Variants in SI observed in about 807,000 individuals in gnomAD.
SI encodes the protein sucrase-isomaltase.
A neutral mutation model predicts 253.3 loss-of-function variants in SI; 235 were observed. The observed-to-expected ratio is 0.93, with a 90% CI of 0.83 to 1.03. The LOEUF (loss-of-function observed/expected upper bound fraction) is 1.03. Among genes scored for constraint, SI ranks in the 50% least tolerant of loss-of-function variants. The probability of loss-of-function intolerance (pLI) is 0.00; values close to 1 mark genes in which losing one functional copy is unlikely to be tolerated. For synonymous variants in SI, 819 were observed against 712.0 expected (o/e 1.15, Z -2.39); for missense variants, 2,442 against 2,211.1 (o/e 1.10, Z -2.09).
At chr3:165,037,471 A>G (rs895482224) in intron 21 of SI, among the ~76,000 whole-genome samples, 6 of 151,990 alleles carry the variant, frequency 3.9e-5, no homozygotes, top group Non-Finnish European at 7.4e-5. Flanking sequence ...TTTACCTAAC[A>G]TAAAATATCC....
intron 43 of SI, among the ~76,000 whole-genome samples, 153 bp from the exon 44 acceptor site, chr3:164,991,630 A>G (rs1717738632): frequency 6.6e-6 from 1 of 152,174 alleles, no homozygotes; most frequent in South Asian, 2.1e-4. Context: ...TTGTTTCACT[A>G]TAGTAACCAT....
At chr3:165,067,063 A>C (rs1714282376) in intron 6 of SI, among the ~76,000 whole-genome samples, 1 of 151,986 alleles carries the variant, frequency 6.6e-6, no homozygotes, top group Non-Finnish European at 1.5e-5. Context: ...CACAAGAGCT[A>C]TTCTAGGTAT....
At chr3:164,997,874 A>G (rs1231252786) in intron 38 of SI, among the ~76,000 whole-genome samples, 2 of 151,596 alleles carry the variant, frequency 1.3e-5, no homozygotes, top group Non-Finnish European at 2.9e-5. Flanking sequence ...CATTTTCTTT[A>G]TTCAGTCTAC....
At chr3:165,067,955 G>GA (rs1560016922) in intron 5 of SI, among the ~76,000 whole-genome samples, 1 of 151,602 alleles carries the variant, frequency 6.6e-6, no homozygotes, top group East Asian at 1.9e-4. Context: ...CTGAGAAAAA[G>GA]AAAAATTTAG....
chr3:165,017,487 T>C (rs1013715395), intron 31 of SI, 61 bp downstream of exon 31: 2 of 1,526,420 alleles, frequency 1.3e-6, no homozygotes, highest in Non-Finnish European at 1.8e-6. Flanking sequence ...ACATGTTTAA[T>C]TATTTCATTC....
In SI at chr3:165,043,254, T is replaced by A. The variant is rs904167285; in HGVS notation, c.1888-79A>T. The A allele has an allele frequency of 8.0e-6, 7 of 874,950 alleles. No homozygotes were observed. The African/African-American group carries it at 1.2e-4, about 15-fold the overall frequency. 54.2% of individuals were successfully genotyped at this position (874,950 alleles called of 1,614,324 possible). A position where few individuals can be genotyped will look rare whatever the true frequency, so the allele number is the denominator to read the frequency against. On this transcript the variant is annotated intron_variant, in intron 16 of 47. Coordinates refer to ENST00000264382, the MANE Select transcript of SI (RefSeq NM_001041.4). ...AGAGCATCACACTGTATGCCTCAAC[T>A]GATGAATGTGCCTTATATACAATTT...
At chr3:165,079,133 G>A (rs1173784692), upstream of SI, among the ~76,000 whole-genome samples, 5 of 151,504 alleles carry the variant, frequency 3.3e-5, no homozygotes, top group Non-Finnish European at 5.9e-5. Context: ...GTAGTAAAAT[G>A]TATAAAATTA....
intron 12 of SI, among the ~76,000 whole-genome samples, chr3:165,056,939 A>G (rs1713720902): frequency 6.6e-6 from 1 of 152,052 alleles, no homozygotes; most frequent in South Asian, 2.1e-4. Flanking sequence ...AGTGACAAAC[A>G]TCCACAAGAA....
At chr3:165,041,152 G>A (rs1371649334) in intron 17 of SI, 58 bp from the exon 18 acceptor site, 1 of 1,501,500 alleles carries the variant, frequency 6.7e-7, no homozygotes, top group African/African-American at 1.4e-5. Context: ...GAAAATTAAA[G>A]TAGAAGCATT....
chr3:165,034,191 T>A (rs1712402441), intron 22 of SI, among the ~76,000 whole-genome samples: 1 of 151,912 alleles, frequency 6.6e-6, no homozygotes, highest in South Asian at 2.1e-4. Context: ...ACTGTCTCCA[T>A]GTTTGCTTAC....
At chr3:165,039,826 G>T in intron 19 of SI, 61 bp downstream of exon 19, 3 of 1,109,018 alleles carry the variant, frequency 2.7e-6, no homozygotes, top group Non-Finnish European at 4.2e-6. Flanking sequence ...GTTTTGTAAT[G>T]TAGGGTCGAT....
chr3:165,053,238 T>G (rs1576911820), intron 13 of SI, among the ~76,000 whole-genome samples: 2 of 152,000 alleles, frequency 1.3e-5, no homozygotes, highest in East Asian at 3.9e-4. Flanking sequence ...CAATGACAAT[T>G]AAGCTCACAT....
At chr3:165,059,503 T>C (rs1274027608) in intron 10 of SI, among the ~76,000 whole-genome samples, 1 of 152,042 alleles carries the variant, frequency 6.6e-6, no homozygotes, top group Non-Finnish European at 1.5e-5. Context: ...ATTAAGTGAT[T>C]ATTCATATTT....
intron 13 of SI, among the ~76,000 whole-genome samples, chr3:165,050,934 C>A (rs1713394108): frequency 6.6e-6 from 1 of 151,978 alleles, no homozygotes; most frequent in South Asian, 2.1e-4. Context: ...ATCATTAAAC[C>A]TATCTTTCAT....
chr3:165,006,670 A>C, intron 37 of SI, 146 bp downstream of exon 37: 1 of 643,350 alleles, frequency 1.6e-6, no homozygotes. Context: ...CATTTTTTCT[A>C]AATGCTATGA....
chr3:165,062,279 A>G, intron 9 of SI, 92 bp downstream of exon 9: 1 of 716,144 alleles, frequency 1.4e-6, no homozygotes, highest in Non-Finnish European at 2.6e-6. Context: ...AGAGGCCCCT[A>G]CTATGTAAAA....
At chr3:165,041,501 T>C (rs1310897510) in intron 17 of SI, among the ~76,000 whole-genome samples, 2 of 151,984 alleles carry the variant, frequency 1.3e-5, no homozygotes, top group Non-Finnish European at 2.9e-5. Context: ...CAAACTACTC[T>C]GGCCAATAGG....
At chr3:165,040,157 A>C (rs897311999) in intron 18 of SI, among the ~76,000 whole-genome samples, 186 bp from the exon 19 acceptor site, 3 of 150,690 alleles carry the variant, frequency 2.0e-5, no homozygotes, top group African/African-American at 7.3e-5. Flanking sequence ...TCAGGAAGGA[A>C]GGGAGGAAGG....
At position 165,068,777 on chromosome 3, in the gene SI, A is replaced by T; in HGVS notation, c.428T>A (p.Ile143Asn). ...TTGAGTTGTGAAGAGAACACTGTTGATGTCATTTCCAAATAGTGTAGGTGA... is the reference window on the plus strand; with the variant it reads ...TTGAGTTGTGAAGAGAACACTGTTGTTGTCATTTCCAAATAGTGTAGGTGA... Reference protein sequence around the residue: ...IPSPTLFGNDINSVLFTTQNQ... With the variant: ...IPSPTLFGNDNNSVLFTTQNQ... The change falls in exon 5 of 48, where the codon ATC becomes AAC. Residue 143 changes from isoleucine to asparagine, a missense_variant. Transcript: ENST00000264382. 6.2e-7 allele frequency: 1 copy of T among 1,613,964 alleles called. No individual in the cohort carries two copies. The highest frequency in any genetic ancestry group is 1.7e-4 in the Middle Eastern group (1 of 6,060).
Sources: gnomAD v4.1 joint callset for allele counts (sites outside exome capture counted in the v4.1 genomes callset) on GRCh38, gnomAD v4.1.1 for gene constraint, MANE v1.5 for transcripts, NCBI Gene and HGNC (gene_info 2026-07-23, HGNC 2026-07-21) for gene names.